Variants in FAM168A observed in about 807,000 individuals in gnomAD.
The protein encoded by FAM168A is family with sequence similarity 168 member A, also known as protein FAM168A.
In FAM168A, 3 loss-of-function variants were observed where a neutral mutation model predicts 28.5. That is an observed-to-expected ratio of 0.11 (90% CI 0.05 to 0.27). FAM168A has a LOEUF of 0.27. FAM168A is among the 10% of genes least tolerant of loss of function. FAM168A has a pLI of 1.00. For missense variants in FAM168A, 222 were observed against 311.5 expected, an observed-to-expected ratio of 0.71 and a Z score of 2.16; for synonymous variants, 122 against 124.2, an observed-to-expected ratio of 0.98 and a Z score of 0.12.
chr11:73,457,885 G>A (rs1277900), intron 2 of FAM168A, among the ~76,000 whole-genome samples: 2 of 151,898 alleles, frequency 1.3e-5, no homozygotes, highest in Admixed American at 6.6e-5. Context: ...ATGACCTTGA[G>A]AAACTTACTT....
chr11:73,550,579 T>C (rs1031187132), intron 1 of FAM168A, among the ~76,000 whole-genome samples: 1 of 152,006 alleles, frequency 6.6e-6, no homozygotes, highest in Non-Finnish European at 1.5e-5. Flanking sequence ...CACCTGAGAC[T>C]GGGGGGTCGA....
chr11:73,595,961 TATTTC>T (rs1247657994), intron 1 of FAM168A, among the ~76,000 whole-genome samples: 3 of 152,214 alleles, frequency 2.0e-5, no homozygotes, highest in African/African-American at 4.8e-5. Context: ...GACATTTCCA[TATTTC>T]CTGTCTTCTC....
intron 2 of FAM168A, among the ~76,000 whole-genome samples, chr11:73,456,416 CTT>C (rs1468846165): frequency 6.6e-6 from 1 of 152,122 alleles, no homozygotes; most frequent in Non-Finnish European, 1.5e-5. Context: ...ACTGCTATGT[CTT>C]GAGCTAATTG....
At chr11:73,582,298 G>A (rs1286494806) in intron 1 of FAM168A, among the ~76,000 whole-genome samples, 2 of 151,474 alleles carry the variant, frequency 1.3e-5, no homozygotes, top group Non-Finnish European at 2.9e-5. Context: ...AAGGTGGGTG[G>A]ATCACGAGGT....
At chr11:73,453,785 G>A (rs1315047898) in intron 2 of FAM168A, among the ~76,000 whole-genome samples, 2 of 152,188 alleles carry the variant, frequency 1.3e-5, no homozygotes, top group Admixed American at 6.5e-5. Flanking sequence ...CCATTCCAAT[G>A]AGAATCTATG....
intron 1 of FAM168A, among the ~76,000 whole-genome samples, chr11:73,582,244 G>A (rs1472468262): frequency 1.3e-5 from 2 of 150,080 alleles, no homozygotes. Flanking sequence ...GCCAGAGGCC[G>A]GGCACCGTGA....
At chr11:73,424,390 C>A (rs1866847193) in intron 3 of FAM168A, among the ~76,000 whole-genome samples, 1 of 152,138 alleles carries the variant, frequency 6.6e-6, no homozygotes, top group Non-Finnish European at 1.5e-5. Flanking sequence ...TCAAGTTATA[C>A]TGTTGGGACC....
chr11:73,560,376 C>T lies in FAM168A; in HGVS notation c.-19+37547G>A, dbSNP rs1043398654. Reference sequence around the variant, plus strand: ...CCATGCCCAGTCTCCAATGAAGGTACTTTTGCTAAGGTGTGTGAAGATACC... The same window carrying T: ...CCATGCCCAGTCTCCAATGAAGGTATTTTTGCTAAGGTGTGTGAAGATACC... On this transcript the variant is annotated intron_variant, in intron 1 of 7. Coordinates refer to ENST00000356467, the MANE Select transcript of FAM168A (RefSeq NM_015159.3). 2.6e-5 allele frequency among the ~76,000 whole-genome samples: 4 copies of T among 152,032 alleles called. No individual in the cohort carries two copies. In the South Asian group the frequency reaches 8.3e-4, roughly 32 times the overall value.
chr11:73,431,214 C>T (rs775714540), intron 2 of FAM168A, among the ~76,000 whole-genome samples: 5 of 151,966 alleles, frequency 3.3e-5, no homozygotes, highest in Admixed American at 3.3e-4. Context: ...TGGTGGTGGG[C>T]GCCTGTGGTC....
intron 1 of FAM168A, among the ~76,000 whole-genome samples, chr11:73,527,305 T>C (rs1943460125): frequency 6.6e-6 from 1 of 152,082 alleles, no homozygotes; most frequent in African/African-American, 2.4e-5. Context: ...CTAAAGGAAA[T>C]GACAAGAGCA....
chr11:73,545,027 A>ATAATATATATATATAATATATTTTAT (rs57233496), intron 1 of FAM168A, among the ~76,000 whole-genome samples: 5 of 77,446 alleles, frequency 6.5e-5, no homozygotes, highest in Admixed American at 4.9e-4. Context: ...TAGTATATAT[A>ATAATATATATATATAATATATTTTAT]ATATATATAT....
intron 1 of FAM168A, among the ~76,000 whole-genome samples, chr11:73,481,300 AT>A (rs1326718018): frequency 5.9e-5 from 9 of 152,198 alleles, no homozygotes; most frequent in Non-Finnish European, 8.8e-5. Context: ...TTATCACACT[AT>A]AATTGTATCC....
intron 1 of FAM168A, among the ~76,000 whole-genome samples, chr11:73,512,556 G>T (rs1197588711): frequency 6.6e-6 from 1 of 151,556 alleles, no homozygotes; most frequent in Non-Finnish European, 1.5e-5. Flanking sequence ...GATAAGGGTG[G>T]ATTTTACAAT....
chr11:73,582,494 G>C (rs1393959676), intron 1 of FAM168A, among the ~76,000 whole-genome samples: 1 of 151,864 alleles, frequency 6.6e-6, no homozygotes, highest in Non-Finnish European at 1.5e-5. Flanking sequence ...TTGCACTCCA[G>C]CCTGGGGAAA....
intron 1 of FAM168A, among the ~76,000 whole-genome samples, chr11:73,583,814 T>C (rs1242602327): frequency 1.3e-5 from 2 of 152,150 alleles, no homozygotes; most frequent in African/African-American, 2.4e-5. Context: ...AGACAATAAA[T>C]GACAATGGTG....
At chr11:73,506,199 C>G (rs76152451) in intron 1 of FAM168A, among the ~76,000 whole-genome samples, 1 of 152,162 alleles carries the variant, frequency 6.6e-6, no homozygotes, top group East Asian at 1.9e-4. Flanking sequence ...GAAACAAAGG[C>G]CACTTCTTCT....
intron 5 of FAM168A, chr11:73,410,829 C>G (rs1277949150): frequency 1.3e-5 from 2 of 152,598 alleles, no homozygotes; most frequent in Non-Finnish European, 2.9e-5. Flanking sequence ...GGTCCCCTCT[C>G]TCATACCAAT....
intron 1 of FAM168A, among the ~76,000 whole-genome samples, chr11:73,533,430 G>C (rs1260162275): frequency 6.6e-6 from 1 of 152,098 alleles, no homozygotes; most frequent in Admixed American, 6.5e-5. Flanking sequence ...AGAGTCCCTA[G>C]GGCCTTACTC....
chr11:73,488,178 T>C (rs572674970), intron 1 of FAM168A, among the ~76,000 whole-genome samples: 28 of 152,142 alleles, frequency 1.8e-4, no homozygotes, highest in African/African-American at 5.8e-4. Context: ...TTGCCCAGGC[T>C]GGAGTGTCAT....
Sources: gnomAD v4.1 joint callset for allele counts (sites outside exome capture counted in the v4.1 genomes callset) on GRCh38, gnomAD v4.1.1 for gene constraint, MANE v1.5 for transcripts, NCBI Gene and HGNC (gene_info 2026-07-23, HGNC 2026-07-21) for gene names.